Variants in CASD1 observed in about 807,000 individuals in gnomAD.
CASD1 encodes the protein CAS1 domain sialic acid O acetyltransferase 1, also known as N-acetylneuraminate (7)9-O-acetyltransferase.
CASD1 carries 41 observed loss-of-function variants against 100.0 expected under a neutral mutation model. The ratio of observed to expected loss-of-function variants is 0.41; its 90% confidence interval spans 0.32 to 0.53. The LOEUF (loss-of-function observed/expected upper bound fraction) is 0.53. Among genes scored for constraint, CASD1 ranks in the 20% least tolerant of loss-of-function variants. CASD1 has a pLI of 0.25. For synonymous variants in CASD1, 321 were observed against 315.6 expected (o/e 1.02, Z -0.18); for missense variants, 774 against 948.7 (o/e 0.82, Z 2.42).
chr7:94,519,339 C>G (rs944082217), intron 3 of CASD1, among the ~76,000 whole-genome samples: 3 of 151,956 alleles, frequency 2.0e-5, no homozygotes, highest in Admixed American at 6.6e-5. Flanking sequence ...GGGGGAAAGT[C>G]GAACACAAGA....
At chr7:94,587,144 A>G in the CASD1 span, 1 of 984,336 alleles carries the variant, frequency 1.0e-6, no homozygotes, top group Non-Finnish European at 1.2e-6. Flanking sequence ...ATCCCCTAGG[A>G]AAACTCTTTG....
chr7:94,533,117 C>T (rs553082329), intron 5 of CASD1, 88 bp from the exon 6 acceptor site: 14 of 847,754 alleles, frequency 1.7e-5, no homozygotes, highest in Non-Finnish European at 2.2e-5. Flanking sequence ...GAAGAACTTA[C>T]ATTTTAAGGA....
intron 1 of CASD1, among the ~76,000 whole-genome samples, chr7:94,516,151 TAC>T (rs1425269415): frequency 1.9e-5 from 2 of 105,098 alleles, no homozygotes; most frequent in African/African-American, 5.8e-5. Flanking sequence ...ATCTTTGAAA[TAC>T]AAAAAAAAAA....
At chr7:94,523,723 G>A (rs1184961039) in intron 3 of CASD1, among the ~76,000 whole-genome samples, 3 of 152,140 alleles carry the variant, frequency 2.0e-5, no homozygotes, top group Admixed American at 6.5e-5. Context: ...ATTTTTTATA[G>A]ATGGGCAGCA....
the CASD1 span, among the ~76,000 whole-genome samples, chr7:94,603,854 ATAAC>A: frequency 1.3e-5 from 2 of 152,176 alleles, no homozygotes; most frequent in East Asian, 3.8e-4. Context: ...ACAATAATAA[ATAAC>A]TAAGTAATAC....
chr7:94,605,254 G>A, the CASD1 span, among the ~76,000 whole-genome samples: 1 of 152,080 alleles, frequency 6.6e-6, no homozygotes, highest in South Asian at 2.1e-4. Flanking sequence ...AATGAATAAA[G>A]TGAAACTACT....
rs1431562337 is a variant in CASD1, at chr7:94,518,092, A to G, written c.231-111A>G. On this transcript the variant is annotated intron_variant, in intron 2 of 17. Coordinates refer to ENST00000297273, the MANE Select transcript of CASD1 (RefSeq NM_022900.5). ...CCTGGCCACCTGCTTATAAAGCAAT[A>G]TAATGGTATGTGTAACAATCTGGAT... is the stretch of plus-strand genomic sequence containing the variant. The G allele has an allele frequency of 5.7e-6, 6 of 1,058,846 alleles. No homozygotes were observed. The East Asian group carries it at 7.7e-5, about 14-fold the overall frequency. The allele number at this position is 1,058,846 out of a possible 1,614,324, so 65.6% of individuals were successfully genotyped here.
chr7:94,531,696 G>A (rs1308142852), intron 5 of CASD1, among the ~76,000 whole-genome samples: 3 of 152,088 alleles, frequency 2.0e-5, no homozygotes, highest in African/African-American at 7.2e-5. Flanking sequence ...GTATTTTACA[G>A]TAAGCATGTA....
Position 94,509,839 on chromosome 7 carries a change from G to C in CASD1, c.-246G>C, listed in dbSNP as rs1793591610. On this transcript the variant is annotated 5_prime_UTR_variant, in exon 1 of 18. Coordinates refer to ENST00000297273, the MANE Select transcript of CASD1 (RefSeq NM_022900.5). ...AGGCGTCCAGGGCGCCTGGGGAACC[G>C]GCACGGCGGAGCAGCGGCGGCGGGG... 2 of 1,004,386 alleles carry C rather than the reference G, an allele frequency of 2.0e-6. No homozygotes were observed. The highest frequency in any genetic ancestry group is 5.9e-5 in the Admixed American group (1 of 16,892). The allele number at this position is 1,004,386 out of a possible 1,614,324, so 62.2% of individuals were successfully genotyped here. A position where few individuals can be genotyped will look rare whatever the true frequency, so the allele number is the denominator to read the frequency against.
chr7:94,622,485 C>G, the CASD1 span: 3 of 151,948 alleles, frequency 2.0e-5, no homozygotes, highest in African/African-American at 7.3e-5. Flanking sequence ...AAAAATTAGC[C>G]GGGTGTGGTG....
chr7:94,600,768 A>G, the CASD1 span: 1 of 1,613,720 alleles, frequency 6.2e-7, no homozygotes, highest in Non-Finnish European at 8.5e-7. Flanking sequence ...TCAAAGAATC[A>G]GAAGGGGGTT....
At chr7:94,515,043 C>G (rs1434462377) in intron 1 of CASD1, among the ~76,000 whole-genome samples, 1 of 151,860 alleles carries the variant, frequency 6.6e-6, no homozygotes, top group Non-Finnish European at 1.5e-5. Context: ...TTATTTTAAT[C>G]AGGTTATAAT....
At chr7:94,599,784 T>G in the CASD1 span, 3 of 1,144,166 alleles carry the variant, frequency 2.6e-6, no homozygotes, top group African/African-American at 4.5e-5. Flanking sequence ...ACATTAAGAC[T>G]ATATGCTCAT....
chr7:94,519,257 C>T (rs1192018596), intron 3 of CASD1, among the ~76,000 whole-genome samples: 3 of 151,952 alleles, frequency 2.0e-5, no homozygotes, highest in Non-Finnish European at 4.4e-5. Flanking sequence ...TCTGTTTATA[C>T]CTTTTTAAGT....
the CASD1 span, among the ~76,000 whole-genome samples, chr7:94,574,805 C>T: frequency 1.3e-5 from 2 of 152,176 alleles, no homozygotes; most frequent in East Asian, 3.9e-4. Context: ...CCCGCCTCTA[C>T]TAAAAATACA....
At chr7:94,599,141 C>T in the CASD1 span, 7 of 560,502 alleles carry the variant, frequency 1.2e-5, no homozygotes, top group South Asian at 1.8e-4. Context: ...TTTAATATAA[C>T]AAAACTGAAA....
Position 94,511,926 on chromosome 7 carries a change from C to A in CASD1, c.133+1709C>A, listed in dbSNP as rs545260278. On this transcript the variant is annotated intron_variant, in intron 1 of 17. Transcript: ENST00000297273. The stretch of plus-strand genomic sequence containing the variant: ...TCTGGGATTGTTTATAAAGCCTTCT[C>A]CAGAAGTAAGTCATCAGTTTCCATA... 2.6e-5 allele frequency among the ~76,000 whole-genome samples: 4 copies of A among 152,284 alleles called. No homozygotes were observed. The South Asian group carries it at 8.3e-4, about 32-fold the overall frequency.
At chr7:94,542,325 C>G (rs1795445149) in intron 10 of CASD1, among the ~76,000 whole-genome samples, 1 of 151,906 alleles carries the variant, frequency 6.6e-6, no homozygotes, top group Non-Finnish European at 1.5e-5. Context: ...TTGAGCACTT[C>G]GTAGCTAGTC....
chr7:94,528,783 A>G (rs1794703798), intron 5 of CASD1, among the ~76,000 whole-genome samples: 1 of 152,154 alleles, frequency 6.6e-6, no homozygotes, highest in African/African-American at 2.4e-5. Flanking sequence ...AAGTTCTCAC[A>G]AGTCCATTTT....
Sources: gnomAD v4.1 joint callset for allele counts (sites outside exome capture counted in the v4.1 genomes callset) on GRCh38, gnomAD v4.1.1 for gene constraint, MANE v1.5 for transcripts, NCBI Gene and HGNC (gene_info 2026-07-23, HGNC 2026-07-21) for gene names.